Variants in SLC25A26 observed in about 807,000 individuals in gnomAD.
SLC25A26 encodes the protein solute carrier family 25 member 26, also known as mitochondrial S-adenosylmethionine carrier protein.
SLC25A26 carries 36 observed loss-of-function variants against 37.8 expected under a neutral mutation model. The ratio of observed to expected loss-of-function variants is 0.95; its 90% CI spans 0.73 to 1.26. SLC25A26 has a LOEUF of 1.26. Among genes scored for constraint, SLC25A26 ranks in the 50% most tolerant of loss-of-function variants. The pLI, the probability that SLC25A26 is intolerant of heterozygous loss-of-function variation, is 0.00. For synonymous variants in SLC25A26, 129 were observed against 122.5 expected (o/e 1.05, Z -0.35); for missense variants, 390 against 331.1 (o/e 1.18, Z -1.38).
intron 1 of SLC25A26, among the ~76,000 whole-genome samples, chr3:66,235,064 G>A (rs1159274383): frequency 6.6e-6 from 1 of 152,044 alleles, no homozygotes; most frequent in African/African-American, 2.4e-5. Flanking sequence ...CAAACGTTAT[G>A]TTTTTGTCTT....
intron 1 of SLC25A26, among the ~76,000 whole-genome samples, chr3:66,189,024 C>A (rs1011123787): frequency 5.9e-5 from 9 of 152,088 alleles, no homozygotes; most frequent in Admixed American, 1.3e-4. Flanking sequence ...CATCTGGATA[C>A]TCCTCATCTA....
At chr3:66,152,772 C>T (rs1331849313) in intron 1 of SLC25A26, among the ~76,000 whole-genome samples, 2 of 152,198 alleles carry the variant, frequency 1.3e-5, no homozygotes, top group African/African-American at 4.8e-5. Flanking sequence ...ATTGTCCTAG[C>T]TGGGTCCTGA....
At chr3:66,336,255 A>G (rs947535277) in intron 5 of SLC25A26, among the ~76,000 whole-genome samples, 1 of 152,200 alleles carries the variant, frequency 6.6e-6, no homozygotes, top group African/African-American at 2.4e-5. Context: ...TTGATAGAAT[A>G]ATAAGTAAAA....
chr3:66,239,010 A>G (rs1334125861), intron 2 of SLC25A26, among the ~76,000 whole-genome samples: 2 of 152,230 alleles, frequency 1.3e-5, no homozygotes, highest in African/African-American at 2.4e-5. Flanking sequence ...TTTAGTTTCA[A>G]TGCCCATATT....
intron 3 of SLC25A26, among the ~76,000 whole-genome samples, chr3:66,253,566 AG>A (rs1428758804): frequency 2.0e-5 from 3 of 152,126 alleles, no homozygotes; most frequent in Non-Finnish European, 4.4e-5. Context: ...CAAGGAGTGC[AG>A]GGGAGCCCTA....
At chr3:66,376,245 A>G (rs1700644329) in intron 9 of SLC25A26, among the ~76,000 whole-genome samples, 1 of 152,106 alleles carries the variant, frequency 6.6e-6, no homozygotes, top group Admixed American at 6.5e-5. Context: ...ATTACAATAA[A>G]CGATTTAGAA....
In SLC25A26 at chr3:66,359,506, CTT is replaced by C. The variant is rs554412739; in HGVS notation, c.499-3352_499-3351del. Among the ~76,000 whole-genome samples, 29 of 152,294 alleles carry C rather than the reference CTT, an allele frequency of 1.9e-4. No homozygotes were observed. In the South Asian group the frequency reaches 5.8e-3, roughly 30 times the overall value. Reference sequence around the variant, plus strand: ...AGTCTATTTGGAGTAGCCTTCTACTCTTTGGAACATTTAAAGATATAAGTAGA... The same window carrying C: ...AGTCTATTTGGAGTAGCCTTCTACTCTGGAACATTTAAAGATATAAGTAGA... On this transcript the variant is annotated intron_variant, in intron 6 of 9. Transcript: ENST00000354883.
intron 1 of SLC25A26, among the ~76,000 whole-genome samples, chr3:66,196,292 C>T (rs996096486): frequency 0.011 from 1,643 of 152,286 alleles, 31 homozygotes; most frequent in African/African-American, 0.037. Context: ...ATGCTGACTT[C>T]GCAGCTTCTG....
intron 5 of SLC25A26, among the ~76,000 whole-genome samples, chr3:66,319,744 C>CTTTTTTTT (rs71105981): frequency 2.2e-5 from 2 of 92,110 alleles, no homozygotes; most frequent in Non-Finnish European, 4.0e-5. Flanking sequence ...GCAATTAAAT[C>CTTTTTTTT]TTTTTTTTTT....
intron 1 of SLC25A26, among the ~76,000 whole-genome samples, chr3:66,154,415 A>G (rs1281185210): frequency 6.6e-6 from 1 of 151,942 alleles, no homozygotes; most frequent in Non-Finnish European, 1.5e-5. Context: ...ATTCTTCCAC[A>G]CTTACTGTCT....
intron 1 of SLC25A26, among the ~76,000 whole-genome samples, chr3:66,147,111 C>A (rs1344427180): frequency 1.0e-4 from 9 of 87,884 alleles, no homozygotes; most frequent in African/African-American, 3.7e-4. Context: ...CCCCTCCCCT[C>A]CCCTCCCCTC....
At chr3:66,355,352 C>T (rs1020485596) in intron 6 of SLC25A26, among the ~76,000 whole-genome samples, 3 of 152,046 alleles carry the variant, frequency 2.0e-5, no homozygotes, top group African/African-American at 4.8e-5. Context: ...TACACATCAA[C>T]GCATATAAAA....
intron 2 of SLC25A26, 73 bp downstream of exon 2, chr3:66,236,773 C>T (rs979506573): frequency 5.2e-6 from 6 of 1,147,646 alleles, no homozygotes; most frequent in African/African-American, 4.7e-5. Flanking sequence ...TGGTCTTACC[C>T]CCATAGAATT....
chr3:66,307,245 C>G (rs1333731583), intron 5 of SLC25A26, among the ~76,000 whole-genome samples: 1 of 152,188 alleles, frequency 6.6e-6, no homozygotes, highest in Non-Finnish European at 1.5e-5. Context: ...TTGCGTTTCT[C>G]TAATGAGCAG....
intron 1 of SLC25A26, among the ~76,000 whole-genome samples, chr3:66,151,668 C>T (rs1039804406): frequency 1.3e-5 from 2 of 152,300 alleles, no homozygotes; most frequent in Admixed American, 1.3e-4. Flanking sequence ...TCCTCTCCTT[C>T]TGACTTGGGT....
chr3:66,268,501 T>C (rs560052589), intron 5 of SLC25A26, among the ~76,000 whole-genome samples: 4 of 152,356 alleles, frequency 2.6e-5, no homozygotes, highest in Admixed American at 6.5e-5. Flanking sequence ...AGAACAGTTT[T>C]ATTTACTTTC....
At chr3:66,135,270 C>T (rs1175008988) in intron 1 of SLC25A26, among the ~76,000 whole-genome samples, 1 of 152,090 alleles carries the variant, frequency 6.6e-6, no homozygotes, top group East Asian at 1.9e-4. Context: ...AACTTTGTTT[C>T]AGGGCGATTT....
chr3:66,270,040 G>A (rs988426511), intron 5 of SLC25A26, among the ~76,000 whole-genome samples: 6 of 152,082 alleles, frequency 3.9e-5, no homozygotes, highest in Admixed American at 3.3e-4. Flanking sequence ...GCTGCCTGAC[G>A]TCATGATCAT....
intron 1 of SLC25A26, among the ~76,000 whole-genome samples, chr3:66,194,741 A>G (rs1313356207): frequency 1.3e-5 from 2 of 152,210 alleles, no homozygotes; most frequent in Non-Finnish European, 2.9e-5. Flanking sequence ...AGCTGGGATT[A>G]CAGGCATGCG....
Sources: gnomAD v4.1 joint callset for allele counts (sites outside exome capture counted in the v4.1 genomes callset) on GRCh38, gnomAD v4.1.1 for gene constraint, MANE v1.5 for transcripts, NCBI Gene and HGNC (gene_info 2026-07-23, HGNC 2026-07-21) for gene names.